Variants in TBL1XR1 observed in about 807,000 individuals in gnomAD.
TBL1XR1 encodes the protein F-box-like/WD repeat-containing protein TBL1XR1.
A neutral mutation model predicts 66.9 loss-of-function variants in TBL1XR1; 5 were observed. That is an observed-to-expected ratio of 0.07 (90% CI 0.04 to 0.16). The LOEUF (loss-of-function observed/expected upper bound fraction) is 0.16, where lower values mean the gene tolerates loss of function less well. Among genes scored for constraint, TBL1XR1 ranks in the 10% least tolerant of loss-of-function variants. TBL1XR1 has a pLI of 1.00. For missense variants in TBL1XR1, 238 were observed against 623.2 expected (o/e 0.38, Z 6.58); for synonymous variants, 210 against 206.0 (o/e 1.02, Z -0.17).
upstream of TBL1XR1, among the ~76,000 whole-genome samples, chr3:177,200,592 T>C (rs1737320396): frequency 6.6e-6 from 1 of 152,244 alleles, no homozygotes; most frequent in Non-Finnish European, 1.5e-5. Context: ...GAACTATTGT[T>C]ACTAATATTC....
At chr3:177,047,212 G>T in intron 9 of TBL1XR1, 88 bp downstream of exon 9, 1 of 1,075,458 alleles carries the variant, frequency 9.3e-7, no homozygotes, top group Non-Finnish European at 1.3e-6. Context: ...AAATAGGAAT[G>T]TTTATGTAAT....
chr3:177,201,261 A>G (rs1187951856), upstream of TBL1XR1, among the ~76,000 whole-genome samples: 3 of 151,672 alleles, frequency 2.0e-5, no homozygotes, highest in East Asian at 5.9e-4. Context: ...AAATTCAAAA[A>G]TTAGCTGAGC....
In TBL1XR1 at chr3:177,019,892, C is replaced by G. The variant is rs949362175; in HGVS notation, c.*5606G>C. The stretch of plus-strand genomic sequence containing the variant: ...ATGTCAGTTCTAGCAACTGCAGTGG[C>G]TTATTTCTAATAAAACATAAAACTA... On this transcript the variant is annotated 3_prime_UTR_variant, in exon 16 of 16. Coordinates refer to ENST00000457928, the MANE Select transcript of TBL1XR1 (RefSeq NM_024665.7). The G allele has an allele frequency of 1.8e-4, 27 of 150,786 alleles. No individual in the cohort carries two copies. Among genetic ancestry groups the G allele is most frequent in the African/African-American group, 6.6e-4 (27 of 40,968 alleles). 9.3% of individuals were successfully genotyped at this position (150,786 alleles called of 1,614,324 possible).
chr3:177,145,456 T>A (rs181368779), intron 1 of TBL1XR1, among the ~76,000 whole-genome samples: 3 of 151,890 alleles, frequency 2.0e-5, no homozygotes, highest in Non-Finnish European at 4.4e-5. Context: ...GCCACCAAGA[T>A]AGAAAAATAA....
At chr3:177,086,579 A>C (rs1414247165) in intron 2 of TBL1XR1, among the ~76,000 whole-genome samples, 1 of 152,162 alleles carries the variant, frequency 6.6e-6, no homozygotes, top group African/African-American at 2.4e-5. Context: ...TTTCTGAAAT[A>C]AATTTTCATC....
At chr3:177,140,658 AAAC>A (rs1236801992) in intron 1 of TBL1XR1, among the ~76,000 whole-genome samples, 32 of 152,356 alleles carry the variant, frequency 2.1e-4, no homozygotes, top group Non-Finnish European at 5.9e-5. Context: ...GTGAAAAAGA[AAAC>A]AACAGTATAC....
At chr3:177,201,330 G>A (rs559502656), upstream of TBL1XR1, among the ~76,000 whole-genome samples, 6 of 143,208 alleles carry the variant, frequency 4.2e-5, no homozygotes, top group South Asian at 1.1e-3. Flanking sequence ...AGAATGGCTT[G>A]AAACCGAGAG....
chr3:177,166,458 A>C (rs1360514292), intron 1 of TBL1XR1, among the ~76,000 whole-genome samples: 1 of 152,110 alleles, frequency 6.6e-6, no homozygotes, highest in Non-Finnish European at 1.5e-5. Context: ...TCATCTTCTA[A>C]TCCCCAGGTG....
At chr3:177,119,314 C>T (rs1042211560) in intron 1 of TBL1XR1, among the ~76,000 whole-genome samples, 31 of 152,172 alleles carry the variant, frequency 2.0e-4, no homozygotes, top group Admixed American at 1.5e-3. Context: ...AGCAGTTCCA[C>T]GGGTGAAGAA....
At chr3:177,098,847 G>A (rs914305768) in intron 1 of TBL1XR1, among the ~76,000 whole-genome samples, 2 of 152,060 alleles carry the variant, frequency 1.3e-5, no homozygotes, top group African/African-American at 4.8e-5. Context: ...TTGCATTACG[G>A]TCCAATTAGT....
chr3:177,139,582 A>C (rs2108814343), intron 1 of TBL1XR1, among the ~76,000 whole-genome samples: 1 of 152,218 alleles, frequency 6.6e-6, no homozygotes, highest in Middle Eastern at 3.4e-3. Flanking sequence ...CTGTGTAATA[A>C]AATGGGACAT....
intron 2 of TBL1XR1, among the ~76,000 whole-genome samples, chr3:177,091,568 A>G (rs2108644416): frequency 6.6e-6 from 1 of 152,332 alleles, no homozygotes; most frequent in South Asian, 2.1e-4. Flanking sequence ...ACAATACTAG[A>G]GTCATGTCAG....
At chr3:177,052,270 A>T (rs1030731288) in intron 4 of TBL1XR1, among the ~76,000 whole-genome samples, 2 of 152,218 alleles carry the variant, frequency 1.3e-5, no homozygotes, top group African/African-American at 4.8e-5. Flanking sequence ...TGATATTAGG[A>T]AGTTCCTAAT....
intron 2 of TBL1XR1, among the ~76,000 whole-genome samples, chr3:177,085,088 A>G (rs1463891918): frequency 2.0e-5 from 3 of 152,210 alleles, no homozygotes; most frequent in Non-Finnish European, 2.9e-5. Context: ...AGAAAAAACG[A>G]GGCCTCCAGG....
At chr3:177,025,919 C>G (rs1053484701) in intron 15 of TBL1XR1, 2 of 274,680 alleles carry the variant, frequency 7.3e-6, no homozygotes, top group African/African-American at 4.5e-5. Context: ...GCTTTGGAAG[C>G]CATATTTGCA....
rs191185871 is a variant in TBL1XR1 at position 177,127,509 on chromosome 3, T to C, written c.-121-28968A>G. ...AAACACTTTGGATTGCAATCATTGTTGTTACTTGCTATCTTGTATACTATT... is the reference window on the plus strand; with the variant it reads ...AAACACTTTGGATTGCAATCATTGTCGTTACTTGCTATCTTGTATACTATT... On this transcript the variant is annotated intron_variant, in intron 1 of 15. Transcript: ENST00000457928. Among the ~76,000 whole-genome samples the C allele has an allele frequency of 4.5e-4, 69 of 152,342 alleles. No individual in the cohort carries two copies. The East Asian group carries it at 0.012, about 27-fold the overall frequency.
intron 10 of TBL1XR1, among the ~76,000 whole-genome samples, chr3:177,044,623 A>T (rs988202271): frequency 6.6e-6 from 1 of 152,190 alleles, no homozygotes; most frequent in South Asian, 2.1e-4. Context: ...AAATATATCA[A>T]ATGGTTCAAG....
At chr3:177,095,238 G>A (rs1052010379) in intron 2 of TBL1XR1, among the ~76,000 whole-genome samples, 1 of 152,000 alleles carries the variant, frequency 6.6e-6, no homozygotes, top group Non-Finnish European at 1.5e-5. Context: ...GAACTCGCAG[G>A]CGGGTAGGAG....
intron 1 of TBL1XR1, among the ~76,000 whole-genome samples, chr3:177,112,100 TA>T (rs1411460454): frequency 1.4e-3 from 77 of 55,192 alleles, no homozygotes; most frequent in African/African-American, 2.7e-3. Flanking sequence ...TATATATATA[TA>T]TATATATTTT....
Sources: gnomAD v4.1 joint callset for allele counts (sites outside exome capture counted in the v4.1 genomes callset) on GRCh38, gnomAD v4.1.1 for gene constraint, MANE v1.5 for transcripts, NCBI Gene and HGNC (gene_info 2026-07-23, HGNC 2026-07-21) for gene names.